Variants in ARHGEF6 observed in about 807,000 individuals in gnomAD.
ARHGEF6 encodes the protein Rac/Cdc42 guanine nucleotide exchange factor 6.
Under a neutral mutation model 70.3 loss-of-function variants are expected in ARHGEF6, and 9 were observed. That is an observed-to-expected ratio of 0.13 (90% CI 0.08 to 0.22). The LOEUF (loss-of-function observed/expected upper bound fraction) is 0.22, where lower values mean the gene tolerates loss of function less well. ARHGEF6 is among the 10% of genes least tolerant of loss of function. The pLI, the probability that ARHGEF6 is intolerant of heterozygous loss-of-function variation, is 1.00. For synonymous variants in ARHGEF6, 201 were observed against 207.8 expected, an observed-to-expected ratio of 0.97 and a Z score of 0.28; for missense variants, 470 against 563.0, an observed-to-expected ratio of 0.83 and a Z score of 1.67.
At chrX:136,732,268 T>G (rs1179879503) in intron 5 of ARHGEF6, 96 bp from the exon 6 acceptor site, 8 of 648,391 alleles carry the variant, frequency 1.2e-5, no homozygotes, top group Non-Finnish European at 2.0e-5. Flanking sequence ...AGATTCCCAG[T>G]GGAAGGATCA....
intron 6 of ARHGEF6, among the ~76,000 whole-genome samples, chrX:136,727,437 C>T (rs926388756): frequency 2.1e-5 from 2 of 96,974 alleles, no homozygotes; most frequent in African/African-American, 7.6e-5. Context: ...TTCCTTCTTT[C>T]TTTCTTTCAT....
In ARHGEF6 at chrX:136,745,273, C is replaced by T; in HGVS notation, c.409G>A (p.Gly137Arg). 8.3e-7 allele frequency: 1 copy of T among 1,211,573 alleles called. No homozygotes were observed. Reference sequence around the variant, plus strand: ...CCTGAAACTGTGCTAGAAACTGCTCCCTGTGGGTTTGTCTGAGAAGTATTA... The same window carrying T: ...CCTGAAACTGTGCTAGAAACTGCTCTCTGTGGGTTTGTCTGAGAAGTATTA... ...AANTSQTNPQ[G>R]AVSSTVSGLQ... The change falls in exon 4 of 22, where the codon GGA becomes AGA. Residue 137 changes from glycine (G) to arginine (R), a missense_variant. Around this residue, in one of 3 missense-constraint regions of ARHGEF6, gnomAD observed 379 missense variants for 449.3 expected, o/e 0.84. Transcript: ENST00000250617.
intron 2 of ARHGEF6, among the ~76,000 whole-genome samples, chrX:136,748,910 C>T: frequency 9.0e-6 from 1 of 111,438 alleles, no homozygotes; most frequent in East Asian, 2.8e-4. Flanking sequence ...ATCAATTTTT[C>T]ACGTTTTGGG....
At chrX:136,686,588 GTGTGTGTA>G (rs200681064) in intron 11 of ARHGEF6, among the ~76,000 whole-genome samples, 21 of 58,426 alleles carry the variant, frequency 3.6e-4, no homozygotes, top group African/African-American at 1.7e-3. Flanking sequence ...GTGTGTGTAT[GTGTGTGTA>G]TATATATATA....
chrX:136,677,496 A>T lies in ARHGEF6; in HGVS notation c.1851+440T>A, dbSNP rs766833368. Reference sequence around the variant, plus strand: ...ATCTGTAAACAGATTACAACCTTAGACTTAGGAAAAAACTCTCATGATCAC... The same window carrying T: ...ATCTGTAAACAGATTACAACCTTAGTCTTAGGAAAAAACTCTCATGATCAC... On this transcript the variant is annotated intron_variant, in intron 17 of 21. Coordinates refer to ENST00000250617, the MANE Select transcript of ARHGEF6 (RefSeq NM_004840.3). Among the ~76,000 whole-genome samples, 4 of 111,936 alleles carry T rather than the reference A, an allele frequency of 3.6e-5. No homozygotes were observed. The Admixed American group carries it at 3.8e-4, about 11-fold the overall frequency.
At position 136,737,582 on chromosome X, in the gene ARHGEF6, G is replaced by A. The variant is rs77204319; in HGVS notation, c.662-5410C>T. On this transcript the variant is annotated intron_variant, in intron 5 of 21. Transcript: ENST00000250617. ...ATTCAAAGAAATAAAGCCCGGGCAC[G>A]GTGGCTCACCTCTGTAATCCCAGCA... 8.3e-3 allele frequency: 5,482 copies of A among 658,291 alleles called. 280 individuals are homozygous for A. The African/African-American group carries it at 0.12, about 15-fold the overall frequency. 54.3% of individuals were successfully genotyped at this position (658,291 alleles called of 1,213,427 possible).
intron 7 of ARHGEF6, among the ~76,000 whole-genome samples, chrX:136,712,038 G>C (rs2076690955): frequency 8.9e-6 from 1 of 112,236 alleles, no homozygotes; most frequent in Non-Finnish European, 1.9e-5. Context: ...TTTGGAAAAG[G>C]GGAGAATTTT....
At chrX:136,680,998 C>A (rs1011043152) in intron 14 of ARHGEF6, 122 bp from the exon 15 acceptor site, 18 of 769,573 alleles carry the variant, frequency 2.3e-5, no homozygotes, top group Middle Eastern at 3.0e-4. Flanking sequence ...GGTTTTCATA[C>A]CTATGGGATA....
chrX:136,764,845 C>T (rs630967), intron 2 of ARHGEF6, among the ~76,000 whole-genome samples: 29,497 of 111,061 alleles, frequency 0.27, 3,004 homozygotes, highest in East Asian at 0.62. Context: ...GGCCTCATTG[C>T]GGACCAATTA....
At chrX:136,759,714 G>T (rs1046103954) in intron 2 of ARHGEF6, among the ~76,000 whole-genome samples, 2 of 110,689 alleles carry the variant, frequency 1.8e-5, no homozygotes, top group Non-Finnish European at 3.8e-5. Flanking sequence ...GGTGAGACAA[G>T]TCCTTAATAA....
chrX:136,733,701 A>C (rs921528069), intron 5 of ARHGEF6, among the ~76,000 whole-genome samples: 1 of 112,608 alleles, frequency 8.9e-6, no homozygotes, highest in African/African-American at 3.2e-5. Context: ...AACAACGCTG[A>C]CAGGCAGACT....
intron 2 of ARHGEF6, among the ~76,000 whole-genome samples, chrX:136,750,673 A>G (rs900979335): frequency 1.8e-5 from 2 of 112,319 alleles, no homozygotes; most frequent in Non-Finnish European, 3.8e-5. Flanking sequence ...TGCAATGTTC[A>G]AATCTAACAA....
At position 136,724,455 on chromosome X, in the gene ARHGEF6, A is replaced by C. The variant is rs775460374; in HGVS notation, c.732+7647T>G. Among the ~76,000 whole-genome samples, 460 of 110,553 alleles carry C rather than the reference A, an allele frequency of 4.2e-3. 4 individuals carry two copies. The highest frequency in any genetic ancestry group is 9.3e-3 in the Middle Eastern group (2 of 216). On this transcript the variant is annotated intron_variant, in intron 6 of 21. Coordinates refer to ENST00000250617, the MANE Select transcript of ARHGEF6 (RefSeq NM_004840.3). Reference sequence around the variant, plus strand: ...TCACCCTTCCTTTCTAACATTTTTTAAATTTTTTTAATTATTCATTTATTT... The same window carrying C: ...TCACCCTTCCTTTCTAACATTTTTTCAATTTTTTTAATTATTCATTTATTT...
chrX:136,762,008 G>A (rs1424999487), intron 2 of ARHGEF6, among the ~76,000 whole-genome samples: 3 of 110,423 alleles, frequency 2.7e-5, no homozygotes, highest in African/African-American at 9.9e-5. Context: ...TCCGCCTCCC[G>A]GGTTCAAGCG....
chrX:136,667,873 C>T lies in ARHGEF6; in HGVS notation c.*156G>A. On this transcript the variant is annotated 3_prime_UTR_variant, in exon 22 of 22. Transcript: ENST00000250617. ...GCGCACGTGCACGCACACACATATGCACACAGCGGGGAGAGAAAGAGAAGA... is the reference window on the plus strand; with the variant it reads ...GCGCACGTGCACGCACACACATATGTACACAGCGGGGAGAGAAAGAGAAGA... The T allele has an allele frequency of 1.4e-6, 1 of 726,850 alleles. No homozygotes were observed. The highest frequency in any genetic ancestry group is 2.3e-5 in the South Asian group (1 of 42,962). The allele number at this position is 726,850 out of a possible 1,213,427, so 59.9% of individuals were successfully genotyped here. A position where few individuals can be genotyped will look rare whatever the true frequency, so the allele number is the denominator to read the frequency against.
At chrX:136,671,746 A>G (rs1384482498) in intron 20 of ARHGEF6, among the ~76,000 whole-genome samples, 1 of 112,421 alleles carries the variant, frequency 8.9e-6, no homozygotes, top group Non-Finnish European at 1.9e-5. Context: ...CCATGTGCTC[A>G]GAAGCAGCTT....
At chrX:136,675,976 A>G (rs1174345507) in intron 18 of ARHGEF6, among the ~76,000 whole-genome samples, 1 of 110,757 alleles carries the variant, frequency 9.0e-6, no homozygotes, top group Non-Finnish European at 1.9e-5. Flanking sequence ...GGGGCATGCC[A>G]AAGCTGAAGT....
rs1453858406 is a variant in ARHGEF6, at chrX:136,682,016, C to T, written c.1480-48G>A. ...ATTAATTCTGCAGTTATACAGGTCT[C>T]TGTTTATTTCACTTAGATTTTCTGA... On this transcript the variant is annotated intron_variant, in intron 13 of 21. Coordinates refer to ENST00000250617, the MANE Select transcript of ARHGEF6 (RefSeq NM_004840.3). The T allele has an allele frequency of 2.9e-6, 3 of 1,038,182 alleles. No homozygotes were observed. The Admixed American group carries it at 6.6e-5, about 23-fold the overall frequency. 85.6% of individuals were successfully genotyped at this position (1,038,182 alleles called of 1,213,427 possible). A position where few individuals can be genotyped will look rare whatever the true frequency, so the allele number is the denominator to read the frequency against.
At chrX:136,669,871 T>C (rs2148562794) in intron 20 of ARHGEF6, among the ~76,000 whole-genome samples, 1 of 112,391 alleles carries the variant, frequency 8.9e-6, no homozygotes, top group Non-Finnish European at 1.9e-5. Flanking sequence ...TGAGGGATAA[T>C]TGACAAAGCT....
Sources: gnomAD v4.1 joint callset for allele counts (sites outside exome capture counted in the v4.1 genomes callset) on GRCh38, gnomAD v4.1.1 for gene constraint, gnomAD v4.1.1 regional missense constraint, MANE v1.5 for transcripts, NCBI Gene and HGNC (gene_info 2026-07-23, HGNC 2026-07-21) for gene names.